ASIC2: variants seen among roughly 807,000 people sequenced by gnomAD.
ASIC2 encodes acid-sensing ion channel 2.
A neutral mutation model predicts 57.3 loss-of-function variants in ASIC2; 25 were observed. That is an observed-to-expected ratio of 0.44 (90% CI 0.32 to 0.61). ASIC2 has a LOEUF of 0.61. Ranked by LOEUF, ASIC2 falls within the 20% of genes least tolerant of loss-of-function variation. ASIC2 has a pLI of 0.06. For synonymous variants in ASIC2, 319 were observed against 307.5 expected (o/e 1.04, Z -0.39); for missense variants, 641 against 738.1 (o/e 0.87, Z 1.52).
At chr17:34,054,365 C>A (rs1411656433) in intron 1 of ASIC2, among the ~76,000 whole-genome samples, 3 of 152,156 alleles carry the variant, frequency 2.0e-5, no homozygotes, top group African/African-American at 7.2e-5. Context: ...GTTATTTGTC[C>A]AGAGCCATGA....
intron 1 of ASIC2, among the ~76,000 whole-genome samples, chr17:33,577,462 C>T (rs960009621): frequency 6.6e-6 from 1 of 152,102 alleles, no homozygotes; most frequent in African/African-American, 2.4e-5. Context: ...AGAGGCCTCC[C>T]CATGCTGTGG....
chr17:33,043,191 C>T (rs775407256), intron 3 of ASIC2, among the ~76,000 whole-genome samples: 1 of 152,196 alleles, frequency 6.6e-6, no homozygotes, highest in Non-Finnish European at 1.5e-5. Flanking sequence ...TCCTAAAGTG[C>T]TGGGATTACA....
In ASIC2 at chr17:33,138,275, G is replaced by A. The variant is rs1280911813; in HGVS notation, c.709-26208C>T. Among the ~76,000 whole-genome samples, 3 of 152,194 alleles carry A rather than the reference G, an allele frequency of 2.0e-5. No individual in the cohort carries two copies. The East Asian group carries it at 5.8e-4, about 29-fold the overall frequency. ...CCTTCCATGAGCCACTGCTTCAGGAGTTGTCATGGTGTCTCAAGGGAGCCA... is the reference window on the plus strand; with the variant it reads ...CCTTCCATGAGCCACTGCTTCAGGAATTGTCATGGTGTCTCAAGGGAGCCA... On this transcript the variant is annotated intron_variant, in intron 1 of 9. Transcript: ENST00000225823.
At chr17:33,124,052 T>C (rs2092313716) in intron 1 of ASIC2, among the ~76,000 whole-genome samples, 1 of 152,226 alleles carries the variant, frequency 6.6e-6, no homozygotes, top group South Asian at 2.1e-4. Context: ...GGCAGGCTGA[T>C]TCTAAAAGCT....
chr17:33,229,918 CT>C (rs1908025198), intron 1 of ASIC2, among the ~76,000 whole-genome samples: 1 of 152,176 alleles, frequency 6.6e-6, no homozygotes, highest in Non-Finnish European at 1.5e-5. Context: ...GGATTCTAGC[CT>C]TTGATGGACA....
In ASIC2 at chr17:33,637,225, T is replaced by C. The variant is rs571384393; in HGVS notation, c.555+518753A>G. Among the ~76,000 whole-genome samples, 42 of 152,210 alleles carry C rather than the reference T, an allele frequency of 2.8e-4. No individual in the cohort carries two copies. The South Asian group carries it at 5.2e-3, about 19-fold the overall frequency. On this transcript the variant is annotated intron_variant, in intron 1 of 9. Coordinates refer to the ASIC2 transcript ENST00000359872. ...CAAGGAGCAGGTTTTTCCTTGATTG[T>C]TTCTCCCTACCTGCCTGTACTGCTG...
intron 1 of ASIC2, among the ~76,000 whole-genome samples, chr17:33,438,595 TA>T (rs1348883920): frequency 1.3e-5 from 2 of 152,224 alleles, no homozygotes; most frequent in Admixed American, 6.5e-5. Context: ...GAATTAGTCA[TA>T]AAAGCAGTTT....
At chr17:33,865,238 G>A (rs1024230806) in intron 1 of ASIC2, among the ~76,000 whole-genome samples, 3 of 152,172 alleles carry the variant, frequency 2.0e-5, no homozygotes, top group Non-Finnish European at 2.9e-5. Flanking sequence ...GTCCCCAGGA[G>A]CCATGAGATG....
chr17:33,650,426 T>TA (rs754569018), intron 1 of ASIC2, among the ~76,000 whole-genome samples: 1 of 152,134 alleles, frequency 6.6e-6, no homozygotes, highest in Non-Finnish European at 1.5e-5. Flanking sequence ...TGCAATTTCT[T>TA]AAAAAACTAA....
At chr17:33,785,650 G>C (rs944038600) in intron 1 of ASIC2, among the ~76,000 whole-genome samples, 9 of 152,148 alleles carry the variant, frequency 5.9e-5, no homozygotes, top group Admixed American at 5.2e-4. Context: ...GTGGGTTCTA[G>C]TCACATGTGA....
intron 1 of ASIC2, among the ~76,000 whole-genome samples, chr17:33,378,047 C>T (rs1163315323): frequency 6.6e-6 from 1 of 152,216 alleles, no homozygotes; most frequent in Non-Finnish European, 1.5e-5. Flanking sequence ...CAAGGTGGCA[C>T]TGGATAGCAC....
At chr17:33,785,529 T>G (rs1485163632) in intron 1 of ASIC2, among the ~76,000 whole-genome samples, 1 of 152,202 alleles carries the variant, frequency 6.6e-6, no homozygotes, top group Non-Finnish European at 1.5e-5. Context: ...AGGTCTACCT[T>G]CACCTTGCTG....
At chr17:34,098,670 G>C (rs1425472434) in intron 1 of ASIC2, among the ~76,000 whole-genome samples, 1 of 152,158 alleles carries the variant, frequency 6.6e-6, no homozygotes, top group Non-Finnish European at 1.5e-5. Flanking sequence ...AACATAGGAG[G>C]CTTTCCGTAA....
In ASIC2 at chr17:33,328,253, G is replaced by A. The variant is rs150471513; in HGVS notation, c.556-216186C>T. 7.4e-4 allele frequency among the ~76,000 whole-genome samples: 112 copies of A among 152,308 alleles called. 1 individual carries two copies. Among genetic ancestry groups the A allele is most frequent in the Non-Finnish European group, 7.4e-4 (50 of 68,020 alleles). The stretch of plus-strand genomic sequence containing the variant: ...ATCGTGTTACAAAAAGCACCTGGTT[G>A]TTCTGGGCACAGTGAGTTAGGAAAG... On this transcript the variant is annotated intron_variant, in intron 1 of 9. Coordinates refer to the ASIC2 transcript ENST00000359872.
At position 34,123,181 on chromosome 17, in the gene ASIC2, A is replaced by T. The variant is rs142499271; in HGVS notation, c.555+32797T>A. Among the ~76,000 whole-genome samples, 77 of 152,274 alleles carry T rather than the reference A, an allele frequency of 5.1e-4. No individual in the cohort carries two copies. The East Asian group carries it at 0.012, about 24-fold the overall frequency. On this transcript the variant is annotated intron_variant, in intron 1 of 9. Coordinates refer to the ASIC2 transcript ENST00000359872. Reference sequence around the variant, plus strand: ...AAGGGTGATAACAAGCTCTGGGCAGACAATCTGGTCTATTAAGATTCTCTC... The same window carrying T: ...AAGGGTGATAACAAGCTCTGGGCAGTCAATCTGGTCTATTAAGATTCTCTC...
chr17:33,126,856 C>CTTTTTTT lies in ASIC2; in HGVS notation c.709-14796_709-14790dup, dbSNP rs1159710708. 3.8e-4 allele frequency among the ~76,000 whole-genome samples: 32 copies of CTTTTTTT among 85,324 alleles called. 1 individual carries two copies. Among genetic ancestry groups the CTTTTTTT allele is most frequent in the African/African-American group, 1.0e-3 (21 of 20,620 alleles). 56.0% of individuals were successfully genotyped at this position (85,324 alleles called of 152,430 possible). On this transcript the variant is annotated intron_variant, in intron 1 of 9. Transcript: ENST00000225823. ...ACCTCCCAGCAACCCTACCATTACT[C>CTTTTTTT]TTTTTTTTTTTTTTTTTTTTTTGAG...
At chr17:33,668,202 A>G (rs1567684048) in intron 1 of ASIC2, among the ~76,000 whole-genome samples, 1 of 150,774 alleles carries the variant, frequency 6.6e-6, no homozygotes. Context: ...AGGCATCTTT[A>G]GAGCACAAGC....
chr17:33,026,150 C>A (rs2091858561), intron 4 of ASIC2, among the ~76,000 whole-genome samples, 168 bp from the exon 5 acceptor site: 1 of 152,192 alleles, frequency 6.6e-6, no homozygotes, highest in Admixed American at 6.5e-5. Flanking sequence ...CACCCCAGAG[C>A]TGGAAGGCTG....
At chr17:34,026,135 T>C (rs1907369826) in intron 1 of ASIC2, among the ~76,000 whole-genome samples, 1 of 152,148 alleles carries the variant, frequency 6.6e-6, no homozygotes, top group African/African-American at 2.4e-5. Context: ...AATTATTGGA[T>C]TTGGAGTCTT....
Sources: allele counts gnomAD v4.1 joint callset (sites outside exome capture counted in the v4.1 genomes callset), GRCh38; gene constraint gnomAD v4.1.1; transcripts MANE v1.5; gene names NCBI Gene and HGNC (gene_info 2026-07-23, HGNC 2026-07-21).